CDH19: variants seen among roughly 807,000 people sequenced by gnomAD.
CDH19 encodes the protein cadherin 19.
Under a neutral mutation model 64.2 loss-of-function variants are expected in CDH19, and 67 were observed. The ratio of observed to expected loss-of-function variants is 1.04; its 90% CI spans 0.86 to 1.28. The LOEUF (loss-of-function observed/expected upper bound fraction) is 1.28. Ranked by LOEUF, CDH19 falls within the 50% of genes most tolerant of loss-of-function variation. CDH19 has a pLI of 0.00. For missense variants in CDH19, 1,030 were observed against 929.0 expected, an observed-to-expected ratio of 1.11 and a Z score of -1.41; for synonymous variants, 346 against 319.3, an observed-to-expected ratio of 1.08 and a Z score of -0.89.
chr18:66,586,459 G>A (rs886550468), intron 1 of CDH19, among the ~76,000 whole-genome samples: 1 of 151,898 alleles, frequency 6.6e-6, no homozygotes, highest in Admixed American at 6.6e-5. Flanking sequence ...CATGGCTCTG[G>A]GGGACTGGAG....
At chr18:66,597,099 A>AAAC (rs1988915836) in intron 1 of CDH19, among the ~76,000 whole-genome samples, 1 of 147,978 alleles carries the variant, frequency 6.8e-6, no homozygotes, top group African/African-American at 2.5e-5. Flanking sequence ...AAAAAAAAAA[A>AAAC]AAATCATACT....
chr18:66,598,093 C>T (rs1233595256), intron 1 of CDH19, among the ~76,000 whole-genome samples: 2 of 152,092 alleles, frequency 1.3e-5, no homozygotes, highest in South Asian at 2.1e-4. Flanking sequence ...ATCAAGGTCA[C>T]AATGATATAC....
intron 11 of CDH19, 123 bp downstream of exon 11, chr18:66,508,872 A>T: frequency 9.6e-7 from 1 of 1,039,344 alleles, no homozygotes. Flanking sequence ...TTATAATGCT[A>T]TAATAGAATT....
rs1217037428 is a variant in CDH19 at position 66,501,256 on chromosome 18, T to A, written c.*3556A>T. ...GAAACATTTTTTATACGATGATAAA[T>A]GAACAAGACTGACAATTTCTTGCCC... On this transcript the variant is annotated 3_prime_UTR_variant, in exon 12 of 12. Transcript: ENST00000262150. 1 of 152,112 alleles carries A rather than the reference T, an allele frequency of 6.6e-6. No individual in the cohort carries two copies. The highest frequency in any genetic ancestry group is 1.5e-5 in the Non-Finnish European group (1 of 68,024). The allele number at this position is 152,112 out of a possible 1,614,324, so 9.4% of individuals were successfully genotyped here. A position where few individuals can be genotyped will look rare whatever the true frequency, so the allele number is the denominator to read the frequency against.
Position 66,544,235 on chromosome 18 carries a change from A to G in CDH19, c.961-11T>C. 6.2e-7 allele frequency: 1 copy of G among 1,601,242 alleles called. No homozygotes were observed. The highest frequency in any genetic ancestry group is 8.5e-7 in the Non-Finnish European group (1 of 1,174,442). ...CTCAAAATCCACTTTCTGCAAAGAA[A>G]CACAGTATACACAAAAGAAATGGCT... On this transcript the variant is annotated splice_polypyrimidine_tract_variant and intron_variant, in intron 6 of 11. Coordinates refer to ENST00000262150, the MANE Select transcript of CDH19 (RefSeq NM_021153.4).
intron 3 of CDH19, among the ~76,000 whole-genome samples, chr18:66,561,649 T>G (rs1987727778): frequency 1.3e-5 from 2 of 152,122 alleles, no homozygotes; most frequent in Non-Finnish European, 2.9e-5. Flanking sequence ...GGGGTCACTG[T>G]GGCTGGATCA....
intron 1 of CDH19, among the ~76,000 whole-genome samples, chr18:66,589,023 G>A (rs1988665189): frequency 6.6e-6 from 1 of 151,626 alleles, no homozygotes; most frequent in Admixed American, 6.6e-5. Context: ...TGATGAATAA[G>A]GTAGACTGAA....
At chr18:66,579,770 A>G (rs1988371024) in intron 1 of CDH19, among the ~76,000 whole-genome samples, 1 of 152,066 alleles carries the variant, frequency 6.6e-6, no homozygotes, top group South Asian at 2.1e-4. Flanking sequence ...TGTATAAGGT[A>G]TAATACATAC....
chr18:66,561,714 T>C (rs1987730183), intron 3 of CDH19, among the ~76,000 whole-genome samples: 1 of 152,072 alleles, frequency 6.6e-6, no homozygotes, highest in Non-Finnish European at 1.5e-5. Flanking sequence ...GTAGTTTGTA[T>C]CCATTCTAAG....
In CDH19 at chr18:66,515,824, T is replaced by G. The variant is rs1427760352; in HGVS notation, c.1459-4139A>C. 4.0e-5 allele frequency among the ~76,000 whole-genome samples: 6 copies of G among 151,848 alleles called. No homozygotes were observed. In the East Asian group the frequency reaches 7.7e-4, roughly 20 times the overall value. On this transcript the variant is annotated intron_variant, in intron 9 of 11. Transcript: ENST00000262150. Reference sequence around the variant, plus strand: ...TAAACTATAAAATATCTCATTAGTATCTTAAATGTATCCATTTAAAATGTA... The same window carrying G: ...TAAACTATAAAATATCTCATTAGTAGCTTAAATGTATCCATTTAAAATGTA...
intron 3 of CDH19, among the ~76,000 whole-genome samples, chr18:66,562,390 C>T (rs1433164125): frequency 6.6e-6 from 1 of 151,778 alleles, no homozygotes; most frequent in African/African-American, 2.4e-5. Context: ...GTGCAGTTCA[C>T]AATAGGGTTT....
chr18:66,581,389 G>A (rs1255936473), intron 1 of CDH19, among the ~76,000 whole-genome samples: 2 of 152,052 alleles, frequency 1.3e-5, no homozygotes, highest in African/African-American at 4.8e-5. Context: ...TTGGATTGAA[G>A]AATCCCTAGA....
At chr18:66,557,646 C>T (rs1987566254) in intron 3 of CDH19, among the ~76,000 whole-genome samples, 1 of 151,826 alleles carries the variant, frequency 6.6e-6, no homozygotes, top group African/African-American at 2.4e-5. Context: ...TGGTGTAATT[C>T]AACAATGTTT....
chr18:66,599,848 GTATAAAACAAAA>G (rs1304864098), intron 1 of CDH19, among the ~76,000 whole-genome samples: 26 of 151,994 alleles, frequency 1.7e-4, no homozygotes, highest in African/African-American at 6.0e-4. Flanking sequence ...AATGTGTATG[GTATAAAACAAAA>G]CAGAAGTGTT....
intron 9 of CDH19, among the ~76,000 whole-genome samples, chr18:66,527,642 C>A (rs566464469): frequency 6.6e-6 from 1 of 151,852 alleles, no homozygotes; most frequent in Non-Finnish European, 1.5e-5. Context: ...CTCCACTACT[C>A]GGGAGGCTAA....
intron 1 of CDH19, among the ~76,000 whole-genome samples, chr18:66,598,747 G>T (rs1988968031): frequency 6.6e-6 from 1 of 151,906 alleles, no homozygotes; most frequent in Admixed American, 6.6e-5. Context: ...TCACTACCTG[G>T]GTGATGATAT....
chr18:66,551,369 C>T (rs1432953587), intron 4 of CDH19, 111 bp from the exon 5 acceptor site: 2 of 658,050 alleles, frequency 3.0e-6, no homozygotes, highest in African/African-American at 1.9e-5. Flanking sequence ...TGAACCACTG[C>T]AATGTGACAG....
chr18:66,511,393 A>G (rs967168421), intron 10 of CDH19, among the ~76,000 whole-genome samples, 175 bp downstream of exon 10: 2 of 151,676 alleles, frequency 1.3e-5, no homozygotes, highest in East Asian at 1.9e-4. Context: ...TGGAGTCAAT[A>G]TTTTTAGAAC....
rs1441467028 is a variant in CDH19, at chr18:66,502,879, AATG to A, written c.*1930_*1932del. 1 of 151,912 alleles carries A rather than the reference AATG, an allele frequency of 6.6e-6. No individual in the cohort carries two copies. Among genetic ancestry groups the A allele is most frequent in the African/African-American group, 2.4e-5 (1 of 41,446 alleles). 9.4% of individuals were successfully genotyped at this position (151,912 alleles called of 1,614,324 possible). A position where few individuals can be genotyped will look rare whatever the true frequency, so the allele number is the denominator to read the frequency against. ...ATCTGGTTTTCTCAAGCTTTTGTGA[AATG>A]ATAATATTTGTGTCACCAATTTAAT... On this transcript the variant is annotated 3_prime_UTR_variant, in exon 12 of 12. Transcript: ENST00000262150.
Sources: allele counts gnomAD v4.1 joint callset (sites outside exome capture counted in the v4.1 genomes callset), GRCh38; gene constraint gnomAD v4.1.1; transcripts MANE v1.5; gene names NCBI Gene and HGNC (gene_info 2026-07-23, HGNC 2026-07-21).